CNBD1: variants seen among roughly 807,000 people sequenced by gnomAD.
CNBD1 encodes the protein cyclic nucleotide-binding domain-containing protein 1.
In CNBD1, 71 loss-of-function variants were observed where a neutral mutation model predicts 54.4. The ratio of observed to expected loss-of-function variants is 1.30; its 90% CI spans 1.08 to 1.59. CNBD1 has a LOEUF of 1.59. Among genes scored for constraint, CNBD1 ranks in the 40% most tolerant of loss-of-function variants. The pLI, the probability that CNBD1 is intolerant of heterozygous loss-of-function variation, is 0.00. For missense variants in CNBD1, 659 were observed against 518.0 expected, an observed-to-expected ratio of 1.27 and a Z score of -2.64; for synonymous variants, 182 against 170.7, an observed-to-expected ratio of 1.07 and a Z score of -0.51.
At chr8:87,422,789 A>T (rs1206851219) in intron 2 of CNBD1, among the ~76,000 whole-genome samples, 1 of 152,098 alleles carries the variant, frequency 6.6e-6, no homozygotes, top group South Asian at 2.1e-4. Context: ...ACTTTAAAGT[A>T]GTTTTTCCCA....
At chr8:87,245,902 TAGC>T (rs1807794078) in intron 6 of CNBD1, among the ~76,000 whole-genome samples, 1 of 152,054 alleles carries the variant, frequency 6.6e-6, no homozygotes, top group Non-Finnish European at 1.5e-5. Context: ...TTCCCATTAT[TAGC>T]AGTATTTATG....
At chr8:87,228,958 G>T (rs1814590163) in intron 5 of CNBD1, among the ~76,000 whole-genome samples, 1 of 152,160 alleles carries the variant, frequency 6.6e-6, no homozygotes, top group Admixed American at 6.5e-5. Flanking sequence ...CGTTTTTTAA[G>T]CCCGTCGGAA....
intron 4 of CNBD1, among the ~76,000 whole-genome samples, chr8:86,962,199 A>G (rs75416060): frequency 1.7e-3 from 254 of 152,318 alleles, no homozygotes; most frequent in African/African-American, 5.9e-3. Context: ...CATGTGTGCA[A>G]TAAGAATGGT....
intron 10 of CNBD1, among the ~76,000 whole-genome samples, chr8:87,361,910 T>C (rs868853391): frequency 6.6e-6 from 1 of 152,008 alleles, no homozygotes; most frequent in South Asian, 2.1e-4. Flanking sequence ...ATCAGTTTTA[T>C]ATTTACTCTG....
chr8:87,428,379 T>C (rs192350174), intron 2 of CNBD1, among the ~76,000 whole-genome samples: 19 of 152,294 alleles, frequency 1.2e-4, no homozygotes, highest in African/African-American at 4.1e-4. Context: ...TATGGGTTGG[T>C]CTGGTTGTCT....
intron 4 of CNBD1, among the ~76,000 whole-genome samples, chr8:87,145,943 C>A (rs1812477184): frequency 6.6e-6 from 1 of 152,176 alleles, no homozygotes; most frequent in South Asian, 2.1e-4. Flanking sequence ...GCTATATTAT[C>A]ATTATTATAG....
intron 4 of CNBD1, among the ~76,000 whole-genome samples, chr8:86,963,622 T>TG (rs1563839377): frequency 6.6e-6 from 1 of 152,134 alleles, no homozygotes; most frequent in African/African-American, 2.4e-5. Flanking sequence ...TCCCAGTAAC[T>TG]GGGGACCTGG....
intron 4 of CNBD1, among the ~76,000 whole-genome samples, chr8:87,172,479 A>C (rs1246860311): frequency 6.6e-6 from 1 of 151,936 alleles, no homozygotes; most frequent in Non-Finnish European, 1.5e-5. Flanking sequence ...TGAAGTCTCC[A>C]GGTATTGTTG....
At chr8:87,082,091 G>T (rs1052126594) in intron 4 of CNBD1, among the ~76,000 whole-genome samples, 1 of 152,134 alleles carries the variant, frequency 6.6e-6, no homozygotes, top group Non-Finnish European at 1.5e-5. Context: ...TGACTTGCAC[G>T]TATACATCCA....
At chr8:87,049,831 GT>G (rs1810276504) in intron 4 of CNBD1, among the ~76,000 whole-genome samples, 1 of 152,196 alleles carries the variant, frequency 6.6e-6, no homozygotes, top group Admixed American at 6.5e-5. Context: ...AGTATAAAGA[GT>G]TAAATTATTC....
At chr8:87,275,822 C>A (rs530148137) in intron 6 of CNBD1, among the ~76,000 whole-genome samples, 2 of 151,526 alleles carry the variant, frequency 1.3e-5, no homozygotes, top group African/African-American at 2.4e-5. Context: ...ATCTAGAAAA[C>A]CCCATTGTCT....
intron 4 of CNBD1, among the ~76,000 whole-genome samples, chr8:87,181,587 A>G (rs1813313495): frequency 6.6e-6 from 1 of 152,140 alleles, no homozygotes; most frequent in Non-Finnish European, 1.5e-5. Context: ...AGTGTTAGTA[A>G]TTGTGTTTTT....
At chr8:87,092,587 G>T (rs1012855465) in intron 4 of CNBD1, among the ~76,000 whole-genome samples, 2 of 145,366 alleles carry the variant, frequency 1.4e-5, no homozygotes, top group African/African-American at 5.1e-5. Context: ...ATATATATAT[G>T]TATTTCCCCT....
At chr8:87,356,140 T>A (rs1810415710) in intron 10 of CNBD1, among the ~76,000 whole-genome samples, 1 of 152,124 alleles carries the variant, frequency 6.6e-6, no homozygotes, top group African/African-American at 2.4e-5. Flanking sequence ...AAACTTCTTT[T>A]CTTTATAAAT....
chr8:87,402,034 A>C (rs1807575097), intron 2 of CNBD1, among the ~76,000 whole-genome samples: 1 of 152,058 alleles, frequency 6.6e-6, no homozygotes, highest in Non-Finnish European at 1.5e-5. Flanking sequence ...AAGAGGTATA[A>C]AGTACTTACA....
intron 8 of CNBD1, among the ~76,000 whole-genome samples, chr8:87,321,237 T>G (rs1189920553): frequency 1.3e-5 from 2 of 149,852 alleles, no homozygotes. Context: ...ATTTTTAATT[T>G]TTTGAAGAAT....
At chr8:87,060,702 A>G (rs1271837318) in intron 4 of CNBD1, among the ~76,000 whole-genome samples, 1 of 152,150 alleles carries the variant, frequency 6.6e-6, no homozygotes, top group Non-Finnish European at 1.5e-5. Flanking sequence ...CTACATGAAT[A>G]TTTAAAAACC....
intron 10 of CNBD1, among the ~76,000 whole-genome samples, chr8:87,361,217 A>G (rs994117197): frequency 5.3e-5 from 8 of 151,992 alleles, no homozygotes; most frequent in Admixed American, 1.3e-4. Context: ...TTCTCCTCTT[A>G]TAATTTGTTA....
chr8:86,980,141 T>C (rs1041369755), intron 4 of CNBD1, among the ~76,000 whole-genome samples: 1 of 152,250 alleles, frequency 6.6e-6, no homozygotes, highest in African/African-American at 2.4e-5. Flanking sequence ...TTTGGAAATG[T>C]ATCACTTTAA....
Sources: allele counts gnomAD v4.1 joint callset (sites outside exome capture counted in the v4.1 genomes callset), GRCh38; gene constraint gnomAD v4.1.1; transcripts MANE v1.5; gene names NCBI Gene and HGNC (gene_info 2026-07-23, HGNC 2026-07-21).